The following RNF17 variants were observed in gnomAD, a reference collection of about 807,000 sequenced individuals.
The protein encoded by RNF17 is spermatogenesis associated 23.
A neutral mutation model predicts 200.5 loss-of-function variants in RNF17; 31 were observed. The observed-to-expected ratio is 0.15, with a 90% CI of 0.12 to 0.21. The LOEUF is 0.21. RNF17 is among the 10% of genes least tolerant of loss of function. RNF17 has a pLI of 1.00. For synonymous variants in RNF17, 606 were observed against 637.8 expected (o/e 0.95, Z 0.75); for missense variants, 1,628 against 1,905.1 (o/e 0.85, Z 2.71).
chr13:24,753,378 C>G, the RNF17 span, among the ~76,000 whole-genome samples: 1 of 152,200 alleles, frequency 6.6e-6, no homozygotes, highest in Non-Finnish European at 1.5e-5. Flanking sequence ...TCTAGCATCA[C>G]ACATGACCTG....
rs561285332 is a variant in RNF17 at position 24,767,137 on chromosome 13, G to A, written c.131-135G>A. On this transcript the variant is annotated intron_variant, in intron 1 of 35. Coordinates refer to ENST00000255324, the MANE Select transcript of RNF17 (RefSeq NM_031277.3). ...CCAGCTACTTGGGAGGCTGAGGTAG[G>A]AGGATCACTTGAGCCCAAGAGGTGG... The A allele has an allele frequency of 6.6e-6, 4 of 608,120 alleles. No homozygotes were observed. In the South Asian group the frequency reaches 7.8e-5, roughly 12 times the overall value. The allele number at this position is 608,120 out of a possible 1,614,324, so 37.7% of individuals were successfully genotyped here.
At chr13:24,814,987 ATTTGT>A (rs1484708576) in intron 15 of RNF17, among the ~76,000 whole-genome samples, 1 of 152,186 alleles carries the variant, frequency 6.6e-6, no homozygotes, top group Non-Finnish European at 1.5e-5. Flanking sequence ...TGCTGAATTA[ATTTGT>A]TTTAACAAGT....
the RNF17 span, among the ~76,000 whole-genome samples, chr13:24,758,856 C>G: frequency 6.6e-6 from 1 of 151,908 alleles, no homozygotes; most frequent in South Asian, 2.1e-4. Context: ...GTGGGCGGAT[C>G]ACAAGGTCAG....
rs1879209946 is a variant in RNF17 at position 24,764,247 on chromosome 13, A to AGGCCCCATT, written c.44_45insGGCCCCATT (p.Tyr15delinsTer). ...AAGACTGGGCCTTCTAGGTCTTCCT[A>AGGCCCCATT]CCAGCGAATGGGGAGGAAGAGTCAG... On this transcript the variant is annotated stop_gained, in exon 1 of 36. Coordinates refer to ENST00000255324, the MANE Select transcript of RNF17 (RefSeq NM_031277.3). LOFTEE classifies it high-confidence loss of function. The AGGCCCCATT allele has an allele frequency of 6.2e-7, 1 of 1,609,224 alleles. No homozygotes were observed. Among genetic ancestry groups the AGGCCCCATT allele is most frequent in the Non-Finnish European group, 8.5e-7 (1 of 1,176,398 alleles).
chr13:24,865,450 A>C (rs1443884665), intron 29 of RNF17, among the ~76,000 whole-genome samples: 2 of 152,214 alleles, frequency 1.3e-5, no homozygotes, highest in Non-Finnish European at 2.9e-5. Context: ...TAAGTGGCTC[A>C]TTCCTTGCCT....
At chr13:24,827,354 A>C (rs1888793897) in intron 16 of RNF17, among the ~76,000 whole-genome samples, 1 of 152,126 alleles carries the variant, frequency 6.6e-6, no homozygotes, top group Non-Finnish European at 1.5e-5. Flanking sequence ...CTATTCTTGC[A>C]ACCTGAGTTT....
intron 15 of RNF17, among the ~76,000 whole-genome samples, chr13:24,805,567 G>A (rs1243359236): frequency 6.6e-6 from 1 of 152,104 alleles, no homozygotes; most frequent in Non-Finnish European, 1.5e-5. Context: ...TTCCATGTAT[G>A]GATATACTAC....
At chr13:24,748,916 AT>A in the RNF17 span, among the ~76,000 whole-genome samples, 4 of 151,958 alleles carry the variant, frequency 2.6e-5, no homozygotes, top group African/African-American at 9.6e-5. Flanking sequence ...TGCCCGGCTA[AT>A]TTTTTTGTAC....
Position 24,811,002 on chromosome 13 carries a change from G to A in RNF17, c.2091+6573G>A, listed in dbSNP as rs186050680. Among the ~76,000 whole-genome samples the A allele has an allele frequency of 5.0e-3, 758 of 152,002 alleles. 6 individuals are homozygous for A. The highest frequency in any genetic ancestry group is 6.8e-3 in the Non-Finnish European group (461 of 68,008). On this transcript the variant is annotated intron_variant, in intron 15 of 35. Coordinates refer to ENST00000255324, the MANE Select transcript of RNF17 (RefSeq NM_031277.3). ...TCTTCTGGCTTGTAGAGTTTCTGCC[G>A]AGAGATCCACTGTTAGTCTGAGGGG...
chr13:24,755,387 C>T, the RNF17 span, among the ~76,000 whole-genome samples: 506 of 152,202 alleles, frequency 3.3e-3, 11 homozygotes, highest in East Asian at 0.04. Flanking sequence ...ACCATGATTA[C>T]AAATTTTTCA....
At chr13:24,835,102 T>C (rs1430770875) in intron 18 of RNF17, among the ~76,000 whole-genome samples, 1 of 151,986 alleles carries the variant, frequency 6.6e-6, no homozygotes, top group Non-Finnish European at 1.5e-5. Flanking sequence ...GCAGCCATAA[T>C]TCTCCTAGGC....
intron 14 of RNF17, 23 bp downstream of exon 14, chr13:24,802,594 A>C: frequency 6.4e-7 from 1 of 1,566,486 alleles, no homozygotes; most frequent in South Asian, 1.2e-5. Context: ...TTAAAACTTA[A>C]ATATTCTTTG....
intron 15 of RNF17, among the ~76,000 whole-genome samples, chr13:24,820,197 C>G (rs536400222): frequency 6.7e-6 from 1 of 150,322 alleles, no homozygotes; most frequent in South Asian, 2.1e-4. Context: ...TCTCTGCTCA[C>G]TGCAGTCTCT....
chr13:24,762,369 T>TAAA (rs370600110), upstream of RNF17, among the ~76,000 whole-genome samples: 25,098 of 110,290 alleles, frequency 0.23, 3,042 homozygotes, highest in Non-Finnish European at 0.25. Flanking sequence ...ACTCCATTTC[T>TAAA]AAAAAAAAAA....
In RNF17 at chr13:24,843,904, A is replaced by G; in HGVS notation, c.2764A>G (p.Ile922Val). ...TTATAATAAGGAATTGCCTGTGCATATCTGTAATGTAATATCTCCTGAGAA... is the reference window on the plus strand; with the variant it reads ...TTATAATAAGGAATTGCCTGTGCATGTCTGTAATGTAATATCTCCTGAGAA... ...SLYNKELPVH[I>V]CNVISPEKIY... Residue 922 changes from isoleucine to valine, a missense_variant, in exon 20 of 36, where the codon ATC (isoleucine) becomes GTC (valine). Ile to Val is a conservative substitution (Grantham distance 29). Around this residue, in one of 5 missense-constraint regions of RNF17, gnomAD observed 227 missense variants for 319.8 expected, o/e 0.71. Coordinates refer to ENST00000255324, the MANE Select transcript of RNF17 (RefSeq NM_031277.3). The G allele has an allele frequency of 6.3e-7, 1 of 1,599,576 alleles. No individual in the cohort carries two copies. The highest frequency in any genetic ancestry group is 8.5e-7 in the Non-Finnish European group (1 of 1,171,496).
At chr13:24,779,005 A>G (rs1044079942) in intron 4 of RNF17, among the ~76,000 whole-genome samples, 6 of 152,212 alleles carry the variant, frequency 3.9e-5, no homozygotes, top group African/African-American at 1.4e-4. Flanking sequence ...CCTGGCCAAC[A>G]TGGCGAAACC....
intron 25 of RNF17, 109 bp downstream of exon 25, chr13:24,854,253 A>T: frequency 1.3e-6 from 1 of 793,066 alleles, no homozygotes; most frequent in Non-Finnish European, 2.0e-6. Flanking sequence ...TGTTAGGAGG[A>T]TTAAATGATT....
chr13:24,770,218 A>C (rs1197192039), intron 2 of RNF17, among the ~76,000 whole-genome samples: 3 of 152,192 alleles, frequency 2.0e-5, no homozygotes, highest in Non-Finnish European at 4.4e-5. Flanking sequence ...AAGCATATCA[A>C]ATAGAAATCA....
chr13:24,800,543 G>A lies in RNF17; in HGVS notation c.1758+9G>A. 5 of 1,608,136 alleles carry A rather than the reference G, an allele frequency of 3.1e-6. No individual in the cohort carries two copies. The highest frequency in any genetic ancestry group is 3.4e-6 in the Non-Finnish European group (4 of 1,176,596). On this transcript the variant is annotated intron_variant, in intron 13 of 35. Transcript: ENST00000255324. ...TTGTTCCACAGAATTCAGTAAGTGA[G>A]ACTTTAATTATTTTTTCCTTCAGAG...
Sources: gnomAD v4.1 joint callset for allele counts (sites outside exome capture counted in the v4.1 genomes callset) on GRCh38, gnomAD v4.1.1 for gene constraint, gnomAD v4.1.1 regional missense constraint, MANE v1.5 for transcripts, NCBI Gene and HGNC (gene_info 2026-07-23, HGNC 2026-07-21) for gene names.